SYT16: variants seen among roughly 807,000 people sequenced by gnomAD.
SYT16 encodes synaptotagmin-16.
A neutral mutation model predicts 61.4 loss-of-function variants in SYT16; 42 were observed. That is an observed-to-expected ratio of 0.68 (90% CI 0.53 to 0.89). The LOEUF (loss-of-function observed/expected upper bound fraction) is 0.89. Among genes scored for constraint, SYT16 ranks in the 40% least tolerant of loss-of-function variants. The pLI, the probability that SYT16 is intolerant of heterozygous loss-of-function variation, is 0.00. For missense variants in SYT16, 804 were observed against 807.3 expected (o/e 1.00, Z 0.05); for synonymous variants, 314 against 302.3 (o/e 1.04, Z -0.40).
intron 4 of SYT16, among the ~76,000 whole-genome samples, chr14:62,070,656 C>G (rs533362314): frequency 6.6e-6 from 1 of 152,178 alleles, no homozygotes. Flanking sequence ...AGGTATCTAT[C>G]TGACTCCTTC....
chr14:62,110,932 C>T lies in SYT16; in HGVS notation c.*10225C>T, dbSNP rs2057597882. The T allele has an allele frequency of 1.3e-5, 2 of 152,086 alleles. No homozygotes were observed. The highest frequency in any genetic ancestry group is 2.9e-5 in the Non-Finnish European group (2 of 67,938). 9.4% of individuals were successfully genotyped at this position (152,086 alleles called of 1,614,324 possible). ...AATCAAACTTGTCCATCTCTCCCCT[C>T]CCAAGTGACTTTCCTCACTCATGTA... On this transcript the variant is annotated 3_prime_UTR_variant, in exon 8 of 8. Coordinates refer to ENST00000683842, the MANE Select transcript of SYT16 (RefSeq NM_001367656.1).
chr14:61,896,835 C>T (rs1290801353), intron 1 of SYT16, among the ~76,000 whole-genome samples: 1 of 152,112 alleles, frequency 6.6e-6, no homozygotes, highest in Non-Finnish European at 1.5e-5. Flanking sequence ...TAAACTCTAG[C>T]CCCCTCCTCC....
At chr14:61,897,007 T>A (rs925785887) in intron 1 of SYT16, among the ~76,000 whole-genome samples, 1 of 152,262 alleles carries the variant, frequency 6.6e-6, no homozygotes, top group African/African-American at 2.4e-5. Context: ...TTCCACTGTC[T>A]GCTTTGTATG....
At chr14:61,927,720 G>C (rs1446537972) in intron 1 of SYT16, among the ~76,000 whole-genome samples, 1 of 152,164 alleles carries the variant, frequency 6.6e-6, no homozygotes, top group Non-Finnish European at 1.5e-5. Flanking sequence ...CAAGTAAGCA[G>C]CTGGCTTTCC....
Position 61,964,709 on chromosome 14 carries a change from T to C in SYT16, c.-324-5423T>C, listed in dbSNP as rs144480771. ...TAAAATGCTCTCAAACAGCATCATA[T>C]GCTACAGAGAAATCTTTCATGAAAG... On this transcript the variant is annotated intron_variant, in intron 1 of 7. Transcript: ENST00000683842. 7.7e-3 allele frequency among the ~76,000 whole-genome samples: 1,177 copies of C among 152,274 alleles called. 5 individuals are homozygous for C. The highest frequency in any genetic ancestry group is 0.017 in the Middle Eastern group (5 of 294).
At chr14:61,876,160 A>G (rs994672198) in intron 1 of SYT16, among the ~76,000 whole-genome samples, 1 of 152,202 alleles carries the variant, frequency 6.6e-6, no homozygotes, top group Non-Finnish European at 1.5e-5. Context: ...TTTATGATGC[A>G]GGTTGATAAT....
At chr14:62,070,388 T>G (rs969008757) in intron 4 of SYT16, among the ~76,000 whole-genome samples, 2 of 152,186 alleles carry the variant, frequency 1.3e-5, no homozygotes, top group African/African-American at 4.8e-5. Context: ...TCAGTCCCTG[T>G]AGTTTCTGAC....
chr14:62,073,952 G>A (rs965454458), intron 4 of SYT16, among the ~76,000 whole-genome samples: 1 of 152,154 alleles, frequency 6.6e-6, no homozygotes, highest in Non-Finnish European at 1.5e-5. Context: ...AGACTAACAA[G>A]GGAAAACAAT....
rs1595094809 is a variant in SYT16 at position 61,990,241 on chromosome 14, G to A, written c.-144-5635G>A. Among the ~76,000 whole-genome samples, 3 of 152,110 alleles carry A rather than the reference G, an allele frequency of 2.0e-5. 1 individual carries two copies. In the South Asian group the frequency reaches 6.2e-4, roughly 32 times the overall value. ...CTATGCAAAATGTCTTTCTCCAAAA[G>A]GCATGATAATTGTCATAAAAATAAT... On this transcript the variant is annotated intron_variant, in intron 2 of 7. Transcript: ENST00000683842.
chr14:61,877,353 C>G (rs2140313007), intron 1 of SYT16, among the ~76,000 whole-genome samples: 1 of 152,266 alleles, frequency 6.6e-6, no homozygotes, highest in South Asian at 2.1e-4. Flanking sequence ...GGCAGGGAGG[C>G]AGAAACACAG....
At chr14:61,847,805 A>G (rs2140265089) in intron 1 of SYT16, among the ~76,000 whole-genome samples, 1 of 152,122 alleles carries the variant, frequency 6.6e-6, no homozygotes, top group East Asian at 1.9e-4. Flanking sequence ...CAAGCTGCCT[A>G]ATTCTTTCTT....
chr14:62,070,283 A>C (rs2056249568), intron 4 of SYT16, among the ~76,000 whole-genome samples: 1 of 152,210 alleles, frequency 6.6e-6, no homozygotes, highest in East Asian at 1.9e-4. Context: ...TTGCATTACG[A>C]AATCAATGGG....
chr14:61,815,958 A>G (rs1036473703), intron 1 of SYT16, among the ~76,000 whole-genome samples: 3 of 152,244 alleles, frequency 2.0e-5, no homozygotes, highest in East Asian at 1.9e-4. Flanking sequence ...TCTTAGGATC[A>G]GCCAGGCATG....
intron 1 of SYT16, among the ~76,000 whole-genome samples, chr14:61,947,739 G>T (rs562590774): frequency 6.6e-6 from 1 of 152,152 alleles, no homozygotes; most frequent in Non-Finnish European, 1.5e-5. Flanking sequence ...GCCTCGTGGG[G>T]ATAACAGCTG....
At chr14:61,922,788 G>A (rs1455959271) in intron 1 of SYT16, among the ~76,000 whole-genome samples, 10 of 152,142 alleles carry the variant, frequency 6.6e-5, no homozygotes, top group African/African-American at 1.7e-4. Flanking sequence ...GGTAGCTCAC[G>A]CCTGTAATCC....
intron 1 of SYT16, among the ~76,000 whole-genome samples, chr14:61,895,298 C>G (rs1368399640): frequency 6.6e-6 from 1 of 152,198 alleles, no homozygotes; most frequent in Non-Finnish European, 1.5e-5. Flanking sequence ...CTGAATCCCT[C>G]TGGCTTCCAA....
chr14:62,058,471 C>T (rs914547647), intron 3 of SYT16, among the ~76,000 whole-genome samples: 2 of 150,066 alleles, frequency 1.3e-5, no homozygotes, highest in East Asian at 2.0e-4. Flanking sequence ...GTGAGTGATT[C>T]TCCTGCCTCG....
chr14:61,822,318 A>C (rs1442214789), intron 1 of SYT16, among the ~76,000 whole-genome samples: 1 of 151,172 alleles, frequency 6.6e-6, no homozygotes, highest in East Asian at 1.9e-4. Context: ...CTTTTCCCAC[A>C]CTCCTTCTTT....
intron 3 of SYT16, among the ~76,000 whole-genome samples, chr14:61,999,480 T>C (rs1045620392): frequency 2.0e-5 from 3 of 151,816 alleles, no homozygotes; most frequent in African/African-American, 7.2e-5. Context: ...TTGGTACTTT[T>C]TGTCTTTTTT....
Sources: allele counts gnomAD v4.1 joint callset (sites outside exome capture counted in the v4.1 genomes callset), GRCh38; gene constraint gnomAD v4.1.1; transcripts MANE v1.5; gene names NCBI Gene and HGNC (gene_info 2026-07-23, HGNC 2026-07-21).